Variants in CSMD1 observed in about 807,000 individuals in gnomAD.
CSMD1 encodes the protein CUB and Sushi multiple domains 1.
CSMD1 carries 213 observed loss-of-function variants against 417.5 expected under a neutral mutation model. The ratio of observed to expected loss-of-function variants is 0.51; its 90% CI spans 0.46 to 0.57. The LOEUF is 0.57. Ranked by LOEUF, CSMD1 falls within the 20% of genes least tolerant of loss-of-function variation. The pLI, the probability that CSMD1 is intolerant of heterozygous loss-of-function variation, is 0.00. For missense variants in CSMD1, 6,923 were observed against 4,529.7 expected, an observed-to-expected ratio of 1.53 and a Z score of -15.17; for synonymous variants, 2,862 against 1,736.8, an observed-to-expected ratio of 1.65 and a Z score of -16.11.
intron 1 of CSMD1, among the ~76,000 whole-genome samples, chr8:4,963,952 C>T (rs1297507844): frequency 6.6e-6 from 1 of 152,046 alleles, no homozygotes; most frequent in South Asian, 2.1e-4. Context: ...TGATTTCATA[C>T]CAAATACTCT....
At chr8:4,292,383 C>T (rs1797419913) in intron 3 of CSMD1, among the ~76,000 whole-genome samples, 1 of 151,842 alleles carries the variant, frequency 6.6e-6, no homozygotes, top group South Asian at 2.1e-4. Flanking sequence ...CTCCAGAGTA[C>T]CTGGGACTAC....
At chr8:3,666,534 A>T (rs1026691901) in intron 7 of CSMD1, among the ~76,000 whole-genome samples, 1 of 152,100 alleles carries the variant, frequency 6.6e-6, no homozygotes, top group Non-Finnish European at 1.5e-5. Context: ...CCTTTTTTGA[A>T]AGCTGCCTGA....
intron 3 of CSMD1, among the ~76,000 whole-genome samples, chr8:4,260,326 T>A (rs1298266156): frequency 6.6e-6 from 1 of 152,242 alleles, no homozygotes; most frequent in African/African-American, 2.4e-5. Context: ...GTGTCTGTTT[T>A]TATTTGCCTG....
At chr8:4,076,213 GA>G (rs1359232881) in intron 3 of CSMD1, among the ~76,000 whole-genome samples, 7 of 152,134 alleles carry the variant, frequency 4.6e-5, no homozygotes, top group Non-Finnish European at 7.4e-5. Flanking sequence ...AATGGTTTTA[GA>G]AGGGGCTTTT....
At chr8:3,317,392 A>G (rs756914100) in intron 23 of CSMD1, among the ~76,000 whole-genome samples, 2 of 152,222 alleles carry the variant, frequency 1.3e-5, no homozygotes, top group African/African-American at 2.4e-5. Context: ...TACCCAAGCT[A>G]TAGGCATAGA....
At chr8:4,321,536 G>C (rs1433356007) in intron 3 of CSMD1, among the ~76,000 whole-genome samples, 2 of 152,110 alleles carry the variant, frequency 1.3e-5, no homozygotes, top group Admixed American at 6.6e-5. Context: ...AAAGGGATGA[G>C]TATCTGGTAT....
intron 5 of CSMD1, among the ~76,000 whole-genome samples, chr8:3,951,084 T>C (rs1041421833): frequency 2.0e-5 from 3 of 152,248 alleles, no homozygotes; most frequent in African/African-American, 7.2e-5. Context: ...ACTTGAATTT[T>C]ATACATTAAT....
At position 3,142,656 on chromosome 8, in the gene CSMD1, A is replaced by T; in HGVS notation, c.6050T>A (p.Leu2017Gln). 1.2e-6 allele frequency: 2 copies of T among 1,613,530 alleles called. No individual in the cohort carries two copies. Among genetic ancestry groups the T allele is most frequent in the Non-Finnish European group, 1.7e-6 (2 of 1,179,440 alleles). ...ATGATTAGCTTCGGTAGAAAAATTC[A>T]GAAACTGAATATGTGCACCTATGGA... Reference protein sequence around the residue: ...PIGYGAHIQFLNFSTEANHDF... With the variant: ...PIGYGAHIQFQNFSTEANHDF... Residue 2017 changes from leucine to glutamine, a missense_variant, in exon 41 of 70, where the codon CTG becomes CAG. Leu to Gln is a moderately radical substitution (Grantham distance 113). Coordinates refer to ENST00000635120, the MANE Select transcript of CSMD1 (RefSeq NM_033225.6).
At chr8:4,910,553 T>A (rs1014097897) in intron 1 of CSMD1, among the ~76,000 whole-genome samples, 1 of 152,182 alleles carries the variant, frequency 6.6e-6, no homozygotes, top group Non-Finnish European at 1.5e-5. Context: ...GAAGCTTTTT[T>A]ATAGACGCTA....
intron 2 of CSMD1, among the ~76,000 whole-genome samples, chr8:4,462,220 G>A (rs1406446961): frequency 2.0e-5 from 3 of 151,976 alleles, no homozygotes; most frequent in Admixed American, 6.6e-5. Flanking sequence ...AGCTGAACAT[G>A]AAATTTAAAA....
intron 5 of CSMD1, among the ~76,000 whole-genome samples, chr8:3,844,574 T>G (rs1803359981): frequency 6.6e-6 from 1 of 152,104 alleles, no homozygotes; most frequent in African/African-American, 2.4e-5. Context: ...AAGTAATAAC[T>G]AGAGGCCAAT....
At chr8:4,275,911 T>A (rs932113727) in intron 3 of CSMD1, among the ~76,000 whole-genome samples, 1 of 152,206 alleles carries the variant, frequency 6.6e-6, no homozygotes, top group African/African-American at 2.4e-5. Flanking sequence ...AAAAACAGGA[T>A]TGTTTAAATG....
intron 5 of CSMD1, among the ~76,000 whole-genome samples, chr8:3,976,803 G>A (rs1813469796): frequency 1.3e-5 from 2 of 152,172 alleles, no homozygotes; most frequent in South Asian, 4.1e-4. Context: ...AAGGTCGCAT[G>A]CCTGTAGAAT....
intron 6 of CSMD1, among the ~76,000 whole-genome samples, chr8:3,730,360 T>G (rs1204103357): frequency 7.4e-6 from 1 of 135,088 alleles, no homozygotes; most frequent in Non-Finnish European, 1.5e-5. Flanking sequence ...CCAAAAAAAT[T>G]TAAGGAGCGA....
intron 3 of CSMD1, among the ~76,000 whole-genome samples, chr8:4,340,343 G>C (rs150216480): frequency 5.9e-5 from 9 of 152,126 alleles, no homozygotes; most frequent in South Asian, 2.1e-4. Context: ...GATGAGGTTT[G>C]AGGGGCTGCT....
chr8:4,694,557 G>A (rs569802776), intron 1 of CSMD1, among the ~76,000 whole-genome samples: 17 of 151,846 alleles, frequency 1.1e-4, no homozygotes, highest in Non-Finnish European at 1.3e-4. Flanking sequence ...TAGAGACGGG[G>A]TTTCACCATA....
At chr8:4,615,468 G>A (rs1343666968) in intron 2 of CSMD1, among the ~76,000 whole-genome samples, 1 of 152,034 alleles carries the variant, frequency 6.6e-6, no homozygotes, top group Non-Finnish European at 1.5e-5. Context: ...TCATTGATTA[G>A]GTCAAAGTAA....
intron 3 of CSMD1, among the ~76,000 whole-genome samples, chr8:4,378,279 T>C (rs920534376): frequency 2.6e-5 from 4 of 152,266 alleles, no homozygotes; most frequent in Admixed American, 2.0e-4. Flanking sequence ...GTCCCTGTTA[T>C]ATAATCCATG....
chr8:3,631,878 T>C (rs901433120), intron 7 of CSMD1, among the ~76,000 whole-genome samples: 1 of 152,150 alleles, frequency 6.6e-6, no homozygotes, highest in Non-Finnish European at 1.5e-5. Context: ...GGTCCAAAGA[T>C]AACCTGACTT....
Sources: allele counts gnomAD v4.1 joint callset (sites outside exome capture counted in the v4.1 genomes callset), GRCh38; gene constraint gnomAD v4.1.1; transcripts MANE v1.5; gene names NCBI Gene and HGNC (gene_info 2026-07-23, HGNC 2026-07-21).